Variants in CDH18 observed in about 807,000 individuals in gnomAD.
CDH18 encodes the protein cadherin 18.
In CDH18, 31 loss-of-function variants were observed where a neutral mutation model predicts 67.9. The observed-to-expected ratio is 0.46, with a 90% CI of 0.34 to 0.62. The LOEUF is 0.62. Ranked by LOEUF, CDH18 falls within the 20% of genes least tolerant of loss-of-function variation. The probability of loss-of-function intolerance (pLI) is 0.01; values close to 1 mark genes in which losing one functional copy is unlikely to be tolerated. For synonymous variants in CDH18, 362 were observed against 347.2 expected (o/e 1.04, Z -0.48); for missense variants, 890 against 975.5 (o/e 0.91, Z 1.17).
At chr5:19,820,187 T>G (rs1316648782) in intron 3 of CDH18, among the ~76,000 whole-genome samples, 1 of 151,980 alleles carries the variant, frequency 6.6e-6, no homozygotes, top group Non-Finnish European at 1.5e-5. Flanking sequence ...GTCATCCCTC[T>G]CTCCACAAAA....
At chr5:19,937,489 C>G (rs982354727) in intron 2 of CDH18, among the ~76,000 whole-genome samples, 1 of 151,476 alleles carries the variant, frequency 6.6e-6, no homozygotes. Context: ...AATAAACAGA[C>G]ATTACAATGG....
chr5:19,812,205 A>G (rs1473432137), intron 3 of CDH18, among the ~76,000 whole-genome samples: 2 of 152,170 alleles, frequency 1.3e-5, no homozygotes, highest in East Asian at 3.8e-4. Flanking sequence ...TAAATAGAGT[A>G]CAGTCATAGT....
At chr5:19,737,877 C>A (rs1768560021) in intron 4 of CDH18, among the ~76,000 whole-genome samples, 1 of 151,994 alleles carries the variant, frequency 6.6e-6, no homozygotes, top group African/African-American at 2.4e-5. Context: ...TGACAAGTAT[C>A]AATTTTGAGA....
intron 2 of CDH18, among the ~76,000 whole-genome samples, chr5:20,183,006 C>G (rs1325714881): frequency 6.6e-6 from 1 of 152,054 alleles, no homozygotes; most frequent in Non-Finnish European, 1.5e-5. Context: ...AATCCTTGAT[C>G]TTTCTTATAT....
intron 1 of CDH18, among the ~76,000 whole-genome samples, chr5:20,573,482 TAAACTTA>T: frequency 6.6e-6 from 1 of 151,820 alleles, no homozygotes; most frequent in Non-Finnish European, 1.5e-5. Flanking sequence ...ATTTGTATAT[TAAACTTA>T]AAAATGAGTA....
At chr5:20,129,893 T>C (rs1215306148) in intron 2 of CDH18, among the ~76,000 whole-genome samples, 3 of 152,046 alleles carry the variant, frequency 2.0e-5, no homozygotes, top group East Asian at 3.9e-4. Flanking sequence ...TGAAGAATTA[T>C]ATAGGTCTCT....
intron 2 of CDH18, among the ~76,000 whole-genome samples, chr5:19,915,372 C>T (rs1007090840): frequency 2.0e-5 from 3 of 152,076 alleles, no homozygotes; most frequent in Admixed American, 2.0e-4. Flanking sequence ...GGTTGAGGCG[C>T]CAACCCCTGC....
At chr5:19,678,772 A>C (rs1759854243) in intron 5 of CDH18, among the ~76,000 whole-genome samples, 1 of 152,012 alleles carries the variant, frequency 6.6e-6, no homozygotes, top group Non-Finnish European at 1.5e-5. Flanking sequence ...ATCCCTGACC[A>C]GATGAATTAT....
intron 5 of CDH18, among the ~76,000 whole-genome samples, chr5:19,619,151 C>A (rs1002380996): frequency 6.6e-6 from 1 of 152,132 alleles, no homozygotes; most frequent in East Asian, 1.9e-4. Flanking sequence ...TTAACGGATG[C>A]ATATCCATCA....
intron 1 of CDH18, among the ~76,000 whole-genome samples, chr5:20,485,969 T>C (rs186445731): frequency 2.6e-5 from 4 of 152,298 alleles, no homozygotes; most frequent in Non-Finnish European, 4.4e-5. Context: ...CATGGGGTCA[T>C]GTGGGCTTCC....
At chr5:20,242,605 A>ATATATATATAC (rs1422057410) in intron 2 of CDH18, among the ~76,000 whole-genome samples, 1 of 88,120 alleles carries the variant, frequency 1.1e-5, no homozygotes. Flanking sequence ...GGAAAAAAAA[A>ATATATATATAC]AAAAAAATAT....
intron 3 of CDH18, among the ~76,000 whole-genome samples, chr5:19,758,735 G>A (rs1444750232): frequency 1.3e-5 from 2 of 152,124 alleles, no homozygotes; most frequent in Admixed American, 1.3e-4. Flanking sequence ...ATCTTGACAG[G>A]CCCCACACCA....
intron 1 of CDH18, among the ~76,000 whole-genome samples, chr5:20,268,799 T>C (rs1745230239): frequency 6.6e-6 from 1 of 152,088 alleles, no homozygotes; most frequent in Admixed American, 6.6e-5. Flanking sequence ...TAGGGAAAAC[T>C]CTTCTGGACA....
At chr5:19,530,195 A>T (rs949269051) in intron 9 of CDH18, among the ~76,000 whole-genome samples, 4 of 152,166 alleles carry the variant, frequency 2.6e-5, no homozygotes, top group Non-Finnish European at 5.9e-5. Context: ...GATAGCATTA[A>T]GACAAATGGT....
intron 5 of CDH18, among the ~76,000 whole-genome samples, chr5:19,640,968 A>C (rs1753907458): frequency 6.6e-6 from 1 of 151,942 alleles, no homozygotes; most frequent in Non-Finnish European, 1.5e-5. Context: ...GGCTCAAATA[A>C]ATAAAATCAG....
chr5:20,486,451 T>C (rs1227224369), intron 1 of CDH18, among the ~76,000 whole-genome samples: 1 of 152,028 alleles, frequency 6.6e-6, no homozygotes, highest in Non-Finnish European at 1.5e-5. Flanking sequence ...TCTTATTTCA[T>C]AGGCATGTGT....
chr5:19,792,538 A>C (rs1181201303), intron 3 of CDH18, among the ~76,000 whole-genome samples: 1 of 152,048 alleles, frequency 6.6e-6, no homozygotes, highest in Non-Finnish European at 1.5e-5. Flanking sequence ...TCCCACAGTA[A>C]ATCTCCTCTT....
intron 4 of CDH18, among the ~76,000 whole-genome samples, chr5:19,742,986 T>C (rs1274543013): frequency 6.6e-6 from 1 of 152,218 alleles, no homozygotes; most frequent in African/African-American, 2.4e-5. Context: ...TAGAACCACT[T>C]ATTCCTTTCA....
chr5:19,859,613 T>G (rs897876599), intron 2 of CDH18, among the ~76,000 whole-genome samples: 1 of 152,150 alleles, frequency 6.6e-6, no homozygotes, highest in Non-Finnish European at 1.5e-5. Context: ...CAGACATTTC[T>G]TTCTATTGAT....
Sources: allele counts gnomAD v4.1 joint callset (sites outside exome capture counted in the v4.1 genomes callset), GRCh38; gene constraint gnomAD v4.1.1; transcripts MANE v1.5; gene names NCBI Gene and HGNC (gene_info 2026-07-23, HGNC 2026-07-21).